The following MAGI2 variants were observed in gnomAD, a reference collection of about 807,000 sequenced individuals.
MAGI2 encodes membrane associated guanylate kinase, WW and PDZ domain containing 2, also known as membrane-associated guanylate kinase, WW and PDZ domain-containing protein 2.
A neutral mutation model predicts 133.3 loss-of-function variants in MAGI2; 35 were observed. That is an observed-to-expected ratio of 0.26 (90% CI 0.20 to 0.35). The LOEUF (loss-of-function observed/expected upper bound fraction) is 0.35. Ranked by LOEUF, MAGI2 falls within the 10% of genes least tolerant of loss-of-function variation. MAGI2 has a pLI of 1.00. For synonymous variants in MAGI2, 729 were observed against 710.6 expected, an observed-to-expected ratio of 1.03 and a Z score of -0.41; for missense variants, 1,636 against 1,863.4, an observed-to-expected ratio of 0.88 and a Z score of 2.25.
intron 2 of MAGI2, among the ~76,000 whole-genome samples, chr7:78,649,182 C>A (rs1811229692): frequency 9.0e-6 from 1 of 111,268 alleles, no homozygotes. Flanking sequence ...CAGTAATCTT[C>A]ACTGTTTTAT....
intron 2 of MAGI2, among the ~76,000 whole-genome samples, chr7:78,806,861 C>T (rs1406738195): frequency 2.3e-5 from 3 of 130,560 alleles, no homozygotes; most frequent in South Asian, 4.8e-4. Context: ...GAGCAACACC[C>T]TGTCTCAAAA....
At chr7:78,190,130 G>A (rs955471581) in intron 12 of MAGI2, among the ~76,000 whole-genome samples, 3 of 152,108 alleles carry the variant, frequency 2.0e-5, no homozygotes, top group Admixed American at 2.0e-4. Context: ...AGACTCCATG[G>A]CATAGTACTT....
chr7:78,625,857 G>A (rs1196628351), intron 3 of MAGI2, among the ~76,000 whole-genome samples: 8 of 152,166 alleles, frequency 5.3e-5, no homozygotes. Flanking sequence ...ATACAGGTTT[G>A]TAGCCTGGAA....
chr7:79,372,432 T>C (rs774047565), intron 1 of MAGI2, among the ~76,000 whole-genome samples: 1 of 152,108 alleles, frequency 6.6e-6, no homozygotes, highest in Non-Finnish European at 1.5e-5. Flanking sequence ...ATTGAATATA[T>C]AGTAGAATAG....
At chr7:78,117,989 A>G (rs1332523374) in intron 20 of MAGI2, among the ~76,000 whole-genome samples, 1 of 152,228 alleles carries the variant, frequency 6.6e-6, no homozygotes, top group Non-Finnish European at 1.5e-5. Flanking sequence ...ACAGTGTGGT[A>G]TTGGTGAAAG....
At chr7:79,106,817 A>T (rs964899829) in intron 1 of MAGI2, among the ~76,000 whole-genome samples, 3 of 152,194 alleles carry the variant, frequency 2.0e-5, no homozygotes, top group Admixed American at 2.0e-4. Context: ...TTTTGGTTTC[A>T]TGTAATCTCT....
chr7:78,106,917 T>G (rs988131551), intron 20 of MAGI2, among the ~76,000 whole-genome samples: 6 of 152,148 alleles, frequency 3.9e-5, no homozygotes, highest in African/African-American at 1.4e-4. Context: ...GAAGTATTAC[T>G]CAAGAAATCT....
intron 9 of MAGI2, among the ~76,000 whole-genome samples, chr7:78,289,681 A>G (rs1296255361): frequency 6.6e-6 from 1 of 152,214 alleles, no homozygotes; most frequent in Non-Finnish European, 1.5e-5. Context: ...GAAATGAAGA[A>G]AAAAATGTTA....
intron 1 of MAGI2, among the ~76,000 whole-genome samples, chr7:79,113,290 A>G (rs895685496): frequency 6.6e-6 from 1 of 152,184 alleles, no homozygotes; most frequent in African/African-American, 2.4e-5. Context: ...GGCAGTGCCA[A>G]CCTTCCCATG....
intron 1 of MAGI2, among the ~76,000 whole-genome samples, chr7:79,053,167 G>A (rs184851032): frequency 4.6e-5 from 7 of 152,018 alleles, no homozygotes; most frequent in Admixed American, 6.6e-5. Context: ...TAGAGATGGG[G>A]TTTCACCACA....
intron 3 of MAGI2, among the ~76,000 whole-genome samples, chr7:78,564,528 T>C (rs1173609300): frequency 6.6e-6 from 1 of 152,176 alleles, no homozygotes; most frequent in African/African-American, 2.4e-5. Context: ...AGTAAATTTA[T>C]TACTTTTTGA....
intron 1 of MAGI2, among the ~76,000 whole-genome samples, chr7:79,061,693 A>G (rs1039263795): frequency 2.0e-5 from 3 of 152,114 alleles, no homozygotes; most frequent in African/African-American, 7.2e-5. Context: ...TAGATCGAAA[A>G]TGACTGCTAC....
At chr7:78,439,507 A>G (rs1395165737) in intron 6 of MAGI2, among the ~76,000 whole-genome samples, 2 of 152,166 alleles carry the variant, frequency 1.3e-5, no homozygotes, top group Non-Finnish European at 2.9e-5. Context: ...GGAGAGGTGC[A>G]GAGTAAGATG....
chr7:78,992,472 T>A (rs1228252851), intron 2 of MAGI2, among the ~76,000 whole-genome samples: 1 of 149,538 alleles, frequency 6.7e-6, no homozygotes, highest in Non-Finnish European at 1.5e-5. Context: ...TAACTGACCA[T>A]TTTTTTTTGC....
chr7:78,485,457 A>G (rs1255082485), intron 6 of MAGI2: 1 of 151,784 alleles, frequency 6.6e-6, no homozygotes, highest in Non-Finnish European at 1.5e-5. Flanking sequence ...GTAAAAAGGC[A>G]AAATGATTGC....
intron 1 of MAGI2, among the ~76,000 whole-genome samples, chr7:79,278,940 T>C (rs971551724): frequency 1.3e-5 from 2 of 152,150 alleles, no homozygotes; most frequent in Non-Finnish European, 2.9e-5. Context: ...TAGGAAGAGA[T>C]GACATAGTCT....
chr7:78,826,882 A>G (rs1171098630), intron 2 of MAGI2, among the ~76,000 whole-genome samples: 3 of 152,048 alleles, frequency 2.0e-5, no homozygotes, highest in African/African-American at 7.2e-5. Context: ...CATACACACA[A>G]CTCCTGGAAT....
intron 1 of MAGI2, among the ~76,000 whole-genome samples, chr7:79,361,868 GT>G (rs1842398383): frequency 6.6e-6 from 1 of 152,004 alleles, no homozygotes; most frequent in Admixed American, 6.6e-5. Context: ...TTCAAAGGAA[GT>G]AATATAAATG....
chr7:78,705,285 A>G (rs1818527442), intron 2 of MAGI2, among the ~76,000 whole-genome samples: 2 of 151,212 alleles, frequency 1.3e-5, no homozygotes, highest in South Asian at 4.2e-4. Flanking sequence ...TTCCCCCTTC[A>G]CTCTCTCTTC....
Sources: allele counts gnomAD v4.1 joint callset (sites outside exome capture counted in the v4.1 genomes callset), GRCh38; gene constraint gnomAD v4.1.1; transcripts MANE v1.5; gene names NCBI Gene and HGNC (gene_info 2026-07-23, HGNC 2026-07-21).